Variants in CIT observed in about 807,000 individuals in gnomAD.
The protein encoded by CIT is citron rho-interacting serine/threonine kinase.
CIT carries 79 observed loss-of-function variants against 272.7 expected under a neutral mutation model. That is an observed-to-expected ratio of 0.29 (90% CI 0.24 to 0.35). The LOEUF (loss-of-function observed/expected upper bound fraction) is 0.35. CIT is among the 10% of genes least tolerant of loss of function. The pLI, the probability that CIT is intolerant of heterozygous loss-of-function variation, is 1.00. For synonymous variants in CIT, 948 were observed against 995.6 expected (o/e 0.95, Z 0.90); for missense variants, 1,909 against 2,618.3 (o/e 0.73, Z 5.91).
At chr12:119,725,421 G>A (rs2137174537) in intron 28 of CIT, among the ~76,000 whole-genome samples, 1 of 152,090 alleles carries the variant, frequency 6.6e-6, no homozygotes, top group African/African-American at 2.4e-5. Flanking sequence ...GCAAGACTCT[G>A]TCTCAAAAAA....
intron 24 of CIT, among the ~76,000 whole-genome samples, chr12:119,740,756 T>C (rs763033983): frequency 6.6e-6 from 1 of 152,112 alleles, no homozygotes; most frequent in Non-Finnish European, 1.5e-5. Context: ...ATAATTCTTG[T>C]GTAAAATAAG....
chr12:119,696,850 A>G lies in CIT; in HGVS notation c.5882+809T>C, dbSNP rs141396127. Among the ~76,000 whole-genome samples, 22 of 152,262 alleles carry G rather than the reference A, an allele frequency of 1.4e-4. 1 individual carries two copies. The highest frequency in any genetic ancestry group is 4.6e-4 in the African/African-American group (19 of 41,556). Reference sequence around the variant, plus strand: ...TCCCCTCCTTTTTAATACAAGTGGCAGCATATCTGCATACTCTCCTGTACC... The same window carrying G: ...TCCCCTCCTTTTTAATACAAGTGGCGGCATATCTGCATACTCTCCTGTACC... On this transcript the variant is annotated intron_variant, in intron 46 of 47. Coordinates refer to ENST00000392521, the MANE Select transcript of CIT (RefSeq NM_001206999.2).
At chr12:119,858,819 C>T (rs1392472558) in intron 3 of CIT, among the ~76,000 whole-genome samples, 1 of 149,092 alleles carries the variant, frequency 6.7e-6, no homozygotes. Context: ...GAGACTCCAT[C>T]TCAAAAAAAA....
At position 119,701,608 on chromosome 12, in the gene CIT, C is replaced by T. The variant is rs765283743; in HGVS notation, c.5542+16G>A. The T allele has an allele frequency of 3.3e-5, 53 of 1,611,256 alleles. No individual in the cohort carries two copies. The South Asian group carries it at 3.8e-4, about 12-fold the overall frequency. Reference sequence around the variant, plus strand: ...CATGAGGACCCAAAAGGGCAGTGGGCGCAGCCACGACTCACCGTGGAAACA... The same window carrying T: ...CATGAGGACCCAAAAGGGCAGTGGGTGCAGCCACGACTCACCGTGGAAACA... On this transcript the variant is annotated intron_variant, in intron 43 of 47. Transcript: ENST00000392521.
chr12:119,847,125 C>T (rs1275352674), intron 5 of CIT, among the ~76,000 whole-genome samples: 1 of 152,020 alleles, frequency 6.6e-6, no homozygotes, highest in East Asian at 1.9e-4. Flanking sequence ...GCTGGGACTA[C>T]AGGCACCCGC....
intron 30 of CIT, among the ~76,000 whole-genome samples, chr12:119,719,963 G>T (rs1325462087): frequency 6.6e-6 from 1 of 152,196 alleles, no homozygotes; most frequent in East Asian, 1.9e-4. Flanking sequence ...GCAGAGGGGA[G>T]AAGTGTCCAG....
chr12:119,692,210 A>G (rs947739271), intron 46 of CIT, among the ~76,000 whole-genome samples: 14 of 152,222 alleles, frequency 9.2e-5, no homozygotes, highest in African/African-American at 3.1e-4. Flanking sequence ...GCTATTAGGA[A>G]GGCTAAGGAA....
At chr12:119,749,551 C>T (rs530357535) in intron 23 of CIT, among the ~76,000 whole-genome samples, 2 of 152,308 alleles carry the variant, frequency 1.3e-5, no homozygotes, top group Admixed American at 1.3e-4. Context: ...AGCCTTGAAA[C>T]TGAATGGAAG....
At chr12:119,758,387 A>G (rs1961309443) in intron 21 of CIT, among the ~76,000 whole-genome samples, 1 of 152,206 alleles carries the variant, frequency 6.6e-6, no homozygotes, top group Non-Finnish European at 1.5e-5. Flanking sequence ...TGGTAATTGA[A>G]GGCATTTAAG....
At chr12:119,855,746 T>C (rs1053739005) in intron 4 of CIT, among the ~76,000 whole-genome samples, 7 of 152,196 alleles carry the variant, frequency 4.6e-5, no homozygotes, top group Non-Finnish European at 7.3e-5. Flanking sequence ...CACACGGTCA[T>C]TTCAGGCCAT....
chr12:119,687,975 T>C lies in CIT; in HGVS notation c.*257A>G. 1 of 541,496 alleles carries C rather than the reference T, an allele frequency of 1.8e-6. No homozygotes were observed. Among genetic ancestry groups the C allele is most frequent in the Non-Finnish European group, 3.3e-6 (1 of 304,216 alleles). The allele number at this position is 541,496 out of a possible 1,614,324, so 33.5% of individuals were successfully genotyped here. A position where few individuals can be genotyped will look rare whatever the true frequency, so the allele number is the denominator to read the frequency against. On this transcript the variant is annotated 3_prime_UTR_variant, in exon 48 of 48. Coordinates refer to ENST00000392521, the MANE Select transcript of CIT (RefSeq NM_001206999.2). ...CTAGGTACAAAAGTTTGTGAATGCT[T>C]TGAAAGAGTAACAAAGTGCAAAGAG...
rs145849386 is a variant in CIT, at chr12:119,694,544, C to G, written c.5882+3115G>C. Among the ~76,000 whole-genome samples the G allele has an allele frequency of 2.9e-4, 44 of 152,316 alleles. No homozygotes were observed. Among genetic ancestry groups the G allele is most frequent in the African/African-American group, 1.0e-3 (43 of 41,558 alleles). On this transcript the variant is annotated intron_variant, in intron 46 of 47. Transcript: ENST00000392521. This position sits in a 1 kb window ranked among gnomAD's most constrained non-coding sequence, Gnocchi z 4.5. ...GGTGGTTGCGTGTAGTGGCTCACAC[C>G]TGTAATCCCAGCACTTTGGGGGGCC...
intron 26 of CIT, among the ~76,000 whole-genome samples, chr12:119,731,562 G>A (rs1307510101): frequency 6.6e-6 from 1 of 150,478 alleles, no homozygotes; most frequent in East Asian, 1.9e-4. Context: ...AGAAAAACCA[G>A]AAGCAAAATA....
At position 119,825,025 on chromosome 12, in the gene CIT, C is replaced by A. The variant is rs1249067109; in HGVS notation, c.957+140G>T. On this transcript the variant is annotated intron_variant, in intron 8 of 47. Transcript: ENST00000392521. ...CCATGTTAGCCAGGATGGTCTCGATCTCCTGACCTCGTGATCCACCCACCT... is the reference window on the plus strand; with the variant it reads ...CCATGTTAGCCAGGATGGTCTCGATATCCTGACCTCGTGATCCACCCACCT... 4.7e-6 allele frequency: 3 copies of A among 633,468 alleles called. No homozygotes were observed. The South Asian group carries it at 5.8e-5, about 12-fold the overall frequency. The allele number at this position is 633,468 out of a possible 1,614,324, so 39.2% of individuals were successfully genotyped here.
In CIT at chr12:119,770,637, G is replaced by A. The variant is rs943532358; in HGVS notation, c.2208+148C>T. On this transcript the variant is annotated intron_variant, in intron 18 of 47. Coordinates refer to ENST00000392521, the MANE Select transcript of CIT (RefSeq NM_001206999.2). This position sits in a 1 kb window ranked among gnomAD's most constrained non-coding sequence, Gnocchi z 4.4. ...TATTTGGTTATTCATACTACTCTACGATGTGGCATATGCTGAAACCACCTC... is the reference window on the plus strand; with the variant it reads ...TATTTGGTTATTCATACTACTCTACAATGTGGCATATGCTGAAACCACCTC... 1.6e-5 allele frequency: 13 copies of A among 801,222 alleles called. No homozygotes were observed. The highest frequency in any genetic ancestry group is 2.6e-5 in the East Asian group (1 of 39,148). The allele number at this position is 801,222 out of a possible 1,614,324, so 49.6% of individuals were successfully genotyped here. A position where few individuals can be genotyped will look rare whatever the true frequency, so the allele number is the denominator to read the frequency against.
chr12:119,844,339 T>A (rs943124718), intron 5 of CIT, among the ~76,000 whole-genome samples: 1 of 152,058 alleles, frequency 6.6e-6, no homozygotes, highest in Non-Finnish European at 1.5e-5. Context: ...CAGTTTATAT[T>A]ATGTAACACC....
chr12:119,725,416 ACT>A (rs1194615318), intron 28 of CIT, among the ~76,000 whole-genome samples: 5 of 152,200 alleles, frequency 3.3e-5, no homozygotes, highest in Middle Eastern at 3.4e-3. Flanking sequence ...AGAGAGCAAG[ACT>A]CTGTCTCAAA....
chr12:119,742,585 G>C, intron 23 of CIT, 121 bp from the exon 24 acceptor site: 1 of 619,090 alleles, frequency 1.6e-6, no homozygotes, highest in East Asian at 2.9e-5. Flanking sequence ...ACCAGCATCT[G>C]TTTTTCTAAG....
chr12:119,743,684 C>T (rs1279439686), intron 23 of CIT, among the ~76,000 whole-genome samples: 1 of 152,092 alleles, frequency 6.6e-6, no homozygotes, highest in East Asian at 1.9e-4. Flanking sequence ...TTTTATGTAA[C>T]ATTAAGAAAG....
Sources: allele counts gnomAD v4.1 joint callset (sites outside exome capture counted in the v4.1 genomes callset), GRCh38; gene constraint gnomAD v4.1.1; non-coding constraint Gnocchi (gnomAD v3.1); transcripts MANE v1.5; gene names NCBI Gene and HGNC (gene_info 2026-07-23, HGNC 2026-07-21).